GCA: variants seen among roughly 807,000 people sequenced by gnomAD.
GCA encodes grancalcin, EF-hand calcium-binding protein.
In GCA, 30 loss-of-function variants were observed where a neutral mutation model predicts 32.6. That is an observed-to-expected ratio of 0.92 (90% CI 0.69 to 1.25). GCA has a LOEUF of 1.25. Ranked by LOEUF, GCA falls within the 50% of genes most tolerant of loss-of-function variation. The probability of loss-of-function intolerance (pLI) is 0.00; values close to 1 mark genes in which losing one functional copy is unlikely to be tolerated. For missense variants in GCA, 291 were observed against 266.8 expected (o/e 1.09, Z -0.63); for synonymous variants, 102 against 84.6 (o/e 1.21, Z -1.13).
Position 162,360,285 on chromosome 2 carries a change from T to C in GCA, c.*42T>C. 2 of 1,578,512 alleles carry C rather than the reference T, an allele frequency of 1.3e-6. No homozygotes were observed. Among genetic ancestry groups the C allele is most frequent in the East Asian group, 2.3e-5 (1 of 43,368 alleles). On this transcript the variant is annotated 3_prime_UTR_variant, in exon 8 of 8. Coordinates refer to ENST00000437150, the MANE Select transcript of GCA (RefSeq NM_012198.5). ...ACCTGAAGAGACACTGTGAATTCTT[T>C]TGTTTGGAAGAAGTGAACTGGACTA...
At chr2:162,334,394 A>G (rs1684193896) in intron 1 of GCA, among the ~76,000 whole-genome samples, 1 of 152,114 alleles carries the variant, frequency 6.6e-6, no homozygotes, top group South Asian at 2.1e-4. Flanking sequence ...CTACTTCATT[A>G]CCTCTACTGC....
At chr2:162,357,964 ACTCT>A (rs1019566820) in intron 5 of GCA, among the ~76,000 whole-genome samples, 3 of 151,618 alleles carry the variant, frequency 2.0e-5, no homozygotes, top group Non-Finnish European at 4.4e-5. Context: ...TTAGCTCATA[ACTCT>A]CTAATATGAA....
intron 1 of GCA, among the ~76,000 whole-genome samples, chr2:162,320,875 A>G (rs1683638093): frequency 6.6e-6 from 1 of 152,214 alleles, no homozygotes; most frequent in South Asian, 2.1e-4. Context: ...TGAAGACCAT[A>G]GTAAATCTAC....
chr2:162,347,793 G>T, intron 2 of GCA, 51 bp downstream of exon 2: 1 of 1,123,864 alleles, frequency 8.9e-7, no homozygotes. Context: ...TATTGTTTAA[G>T]AGAAATGTCA....
At chr2:162,336,631 C>G (rs1684277525) in intron 1 of GCA, among the ~76,000 whole-genome samples, 1 of 151,448 alleles carries the variant, frequency 6.6e-6, no homozygotes, top group Non-Finnish European at 1.5e-5. Context: ...TGAATAAAAA[C>G]CTAAGTATAT....
At position 162,321,318 on chromosome 2, in the gene GCA, G is replaced by A. The variant is rs886066961; in HGVS notation, c.-31+2093G>A. ...CTTTTTCCTTTCTCTTTTGAGGCAG[G>A]AGATCCTGCTGAACTATGTATTTTC... On this transcript the variant is annotated intron_variant, in intron 1 of 4. Transcript: ENST00000429691. Among the ~76,000 whole-genome samples the A allele has an allele frequency of 5.9e-5, 9 of 152,096 alleles. No individual in the cohort carries two copies. The South Asian group carries it at 1.2e-3, about 21-fold the overall frequency.
At chr2:162,354,224 G>A (rs1033953058) in intron 3 of GCA, among the ~76,000 whole-genome samples, 5 of 152,120 alleles carry the variant, frequency 3.3e-5, no homozygotes, top group African/African-American at 1.2e-4. Flanking sequence ...TGAGATCATG[G>A]TTAGGCATTG....
chr2:162,368,914 G>C (rs928068361), intron 4 of GCA, among the ~76,000 whole-genome samples: 2 of 152,116 alleles, frequency 1.3e-5, no homozygotes, highest in African/African-American at 4.8e-5. Flanking sequence ...CTATGGAGGA[G>C]AATGATAAGT....
chr2:162,369,303 C>T (rs1685849850), intron 4 of GCA, among the ~76,000 whole-genome samples: 1 of 152,092 alleles, frequency 6.6e-6, no homozygotes, highest in Non-Finnish European at 1.5e-5. Context: ...GCCATTGAGT[C>T]TTCTGACATT....
In GCA at chr2:162,360,628, A is replaced by G. The variant is rs1685530437; in HGVS notation, c.*385A>G. 9.7e-6 allele frequency: 12 copies of G among 1,232,882 alleles called. No individual in the cohort carries two copies. The East Asian group carries it at 3.7e-4, about 38-fold the overall frequency. 76.4% of individuals were successfully genotyped at this position (1,232,882 alleles called of 1,614,324 possible). Reference sequence around the variant, plus strand: ...ACTAATTTATACTTATCTGAAGGTTACAAATTAGACTTTTAAATTTTCTTT... The same window carrying G: ...ACTAATTTATACTTATCTGAAGGTTGCAAATTAGACTTTTAAATTTTCTTT... On this transcript the variant is annotated 3_prime_UTR_variant, in exon 8 of 8. Transcript: ENST00000437150.
intron 1 of GCA, among the ~76,000 whole-genome samples, chr2:162,345,578 C>T (rs1279745343): frequency 6.6e-6 from 1 of 152,120 alleles, no homozygotes; most frequent in Non-Finnish European, 1.5e-5. Flanking sequence ...GAGAGTTCCA[C>T]GACACAATAA....
At chr2:162,356,526 G>T in intron 4 of GCA, 45 bp downstream of exon 4, 1 of 1,184,992 alleles carries the variant, frequency 8.4e-7, no homozygotes, top group Non-Finnish European at 1.3e-6. Flanking sequence ...AAGAGTAATT[G>T]CTTTCTGACT....
Position 162,362,256 on chromosome 2 carries a change from C to T in GCA, c.*2013C>T, listed in dbSNP as rs74724317. Reference sequence around the variant, plus strand: ...TTTCCAAACTTTTTGACCACAGAACCCCTTTCTCTAGCAAAACCTAACATT... The same window carrying T: ...TTTCCAAACTTTTTGACCACAGAACTCCTTTCTCTAGCAAAACCTAACATT... On this transcript the variant is annotated 3_prime_UTR_variant, in exon 8 of 8. Coordinates refer to ENST00000437150, the MANE Select transcript of GCA (RefSeq NM_012198.5). 3 of 984,400 alleles carry T rather than the reference C, an allele frequency of 3.0e-6. No individual in the cohort carries two copies. Among genetic ancestry groups the T allele is most frequent in the Non-Finnish European group, 3.6e-6 (3 of 829,398 alleles). The allele number at this position is 984,400 out of a possible 1,614,324, so 61.0% of individuals were successfully genotyped here. A position where few individuals can be genotyped will look rare whatever the true frequency, so the allele number is the denominator to read the frequency against.
At chr2:162,335,164 C>A (rs1307802189) in intron 1 of GCA, among the ~76,000 whole-genome samples, 1 of 152,268 alleles carries the variant, frequency 6.6e-6, no homozygotes, top group Non-Finnish European at 1.5e-5. Flanking sequence ...GAAATCCTAG[C>A]ACTTTGGGAG....
chr2:162,352,804 C>G (rs1685068990), intron 3 of GCA, among the ~76,000 whole-genome samples: 2 of 152,186 alleles, frequency 1.3e-5, no homozygotes, highest in Non-Finnish European at 2.9e-5. Flanking sequence ...GAACATTTCC[C>G]ATCCTCCTGT....
At chr2:162,372,968 G>A (rs1686013866), downstream of GCA, among the ~76,000 whole-genome samples, 1 of 152,128 alleles carries the variant, frequency 6.6e-6, no homozygotes, top group African/African-American at 2.4e-5. Context: ...GTACAGACAA[G>A]ATTACTAGTC....
downstream of GCA, among the ~76,000 whole-genome samples, chr2:162,366,038 T>G (rs182648664): frequency 6.6e-6 from 1 of 151,762 alleles, no homozygotes; most frequent in Admixed American, 6.6e-5. Context: ...ATAAAAACAT[T>G]AAAATACACA....
At chr2:162,325,295 T>G (rs571713617) in intron 1 of GCA, among the ~76,000 whole-genome samples, 2 of 152,306 alleles carry the variant, frequency 1.3e-5, no homozygotes, top group African/African-American at 2.4e-5. Context: ...CTCTTTCCTG[T>G]GTTTTCTCTC....
At chr2:162,374,623 T>C (rs1686095215), downstream of GCA, among the ~76,000 whole-genome samples, 2 of 152,176 alleles carry the variant, frequency 1.3e-5, no homozygotes. Context: ...CCCAATTAAA[T>C]TCATGCTATA....
Sources: gnomAD v4.1 joint callset for allele counts (sites outside exome capture counted in the v4.1 genomes callset) on GRCh38, gnomAD v4.1.1 for gene constraint, MANE v1.5 for transcripts, NCBI Gene and HGNC (gene_info 2026-07-23, HGNC 2026-07-21) for gene names.